TRPC5: variants seen among roughly 807,000 people sequenced by gnomAD.
TRPC5 encodes the protein short transient receptor potential channel 5.
A neutral mutation model predicts 56.5 loss-of-function variants in TRPC5; 9 were observed. That is an observed-to-expected ratio of 0.16 (90% CI 0.10 to 0.28). TRPC5 has a LOEUF of 0.28. Among genes scored for constraint, TRPC5 ranks in the 10% least tolerant of loss-of-function variants. TRPC5 has a pLI of 1.00. For synonymous variants in TRPC5, 282 were observed against 278.5 expected (o/e 1.01, Z -0.13); for missense variants, 469 against 748.9 (o/e 0.63, Z 4.36).
intron 1 of TRPC5, among the ~76,000 whole-genome samples, chrX:112,029,868 C>T (rs1929538446): frequency 9.3e-6 from 1 of 106,971 alleles, no homozygotes; most frequent in Non-Finnish European, 1.9e-5. Flanking sequence ...GCTCTTGTTA[C>T]CCAGACTGGA....
At chrX:111,851,153 A>T (rs1434910357) in intron 5 of TRPC5, among the ~76,000 whole-genome samples, 1 of 112,526 alleles carries the variant, frequency 8.9e-6, no homozygotes, top group Non-Finnish European at 1.9e-5. Flanking sequence ...ACTGCATTCA[A>T]TATGCATGCT....
At chrX:112,038,160 C>T (rs1929796869) in intron 1 of TRPC5, among the ~76,000 whole-genome samples, 1 of 111,500 alleles carries the variant, frequency 9.0e-6, no homozygotes, top group South Asian at 3.9e-4. Flanking sequence ...GAAATTTCAG[C>T]AAGAGATGGA....
At chrX:111,934,284 A>C (rs1238854819) in intron 2 of TRPC5, among the ~76,000 whole-genome samples, 1 of 105,880 alleles carries the variant, frequency 9.4e-6, no homozygotes, top group African/African-American at 3.4e-5. Context: ...TTATGGTTTC[A>C]GGTTTCATAT....
intron 1 of TRPC5, among the ~76,000 whole-genome samples, chrX:111,979,359 CATAA>C (rs1362847454): frequency 1.8e-5 from 2 of 111,177 alleles, no homozygotes; most frequent in African/African-American, 6.5e-5. Context: ...GGCCTAAAAT[CATAA>C]ATGACTAGAA....
At position 111,807,827 on chromosome X, in the gene TRPC5, A is replaced by G. The variant is rs141452787; in HGVS notation, c.1897-25689T>C. Among the ~76,000 whole-genome samples the G allele has an allele frequency of 6.2e-5, 7 of 112,345 alleles. No individual in the cohort carries two copies. The East Asian group carries it at 2.0e-3, about 32-fold the overall frequency. ...AGCCCAGTAATACTGTGGCTCTTGC[A>G]GACTTGTAGAGGTACTGCCTTCATG... On this transcript the variant is annotated intron_variant, in intron 7 of 10. Transcript: ENST00000262839.
chrX:111,783,264 T>C (rs1945935306), intron 7 of TRPC5, among the ~76,000 whole-genome samples: 1 of 112,236 alleles, frequency 8.9e-6, no homozygotes, highest in Non-Finnish European at 1.9e-5. Flanking sequence ...GCTATGACCA[T>C]TCATGTACAG....
Position 112,068,802 on chromosome X carries a change from A to C in TRPC5, c.-22+13077T>G, listed in dbSNP as rs750585012. On this transcript the variant is annotated intron_variant, in intron 1 of 10. Transcript: ENST00000262839. ...GTTGCTTCACTGGGTAAATGCCTTT[A>C]CCTCTCAGGTACTTTTCCCTGTCTT... 2.7e-5 allele frequency among the ~76,000 whole-genome samples: 3 copies of C among 111,986 alleles called. No individual in the cohort carries two copies. In the South Asian group the frequency reaches 1.1e-3, roughly 42 times the overall value.
chrX:111,924,475 A>T (rs1449649273), intron 2 of TRPC5, among the ~76,000 whole-genome samples: 2 of 111,010 alleles, frequency 1.8e-5, no homozygotes, highest in African/African-American at 6.5e-5. Flanking sequence ...CTTTAAAAAA[A>T]AAAAAGAGGT....
chrX:112,021,333 A>G (rs183953508), intron 1 of TRPC5, among the ~76,000 whole-genome samples: 2 of 111,994 alleles, frequency 1.8e-5, no homozygotes, highest in Admixed American at 1.9e-4. Flanking sequence ...TAAACGAAAC[A>G]AAAACAGAAC....
chrX:111,847,856 A>C (rs1205065157), intron 5 of TRPC5, among the ~76,000 whole-genome samples: 1 of 110,908 alleles, frequency 9.0e-6, no homozygotes, highest in South Asian at 4.0e-4. Context: ...GTACTTCCTC[A>C]ATCCCTCACT....
chrX:111,855,582 T>C (rs754478670), intron 3 of TRPC5, among the ~76,000 whole-genome samples: 53 of 112,501 alleles, frequency 4.7e-4, no homozygotes, highest in Admixed American at 9.4e-4. Context: ...AGAAGATTAC[T>C]GGTATGAAAC....
intron 1 of TRPC5, among the ~76,000 whole-genome samples, chrX:112,005,552 T>C (rs1928817942): frequency 9.1e-6 from 1 of 109,717 alleles, no homozygotes; most frequent in African/African-American, 3.3e-5. Flanking sequence ...GGCCCAACAT[T>C]GGTATGTTTC....
intron 7 of TRPC5, among the ~76,000 whole-genome samples, chrX:111,809,649 T>C (rs1213914566): frequency 2.7e-5 from 3 of 111,405 alleles, no homozygotes; most frequent in Non-Finnish European, 5.6e-5. Flanking sequence ...TGATTTTTTG[T>C]TATTTGTTTT....
intron 2 of TRPC5, among the ~76,000 whole-genome samples, chrX:111,924,514 A>C (rs769677179): frequency 1.8e-5 from 2 of 111,281 alleles, no homozygotes; most frequent in East Asian, 5.7e-4. Flanking sequence ...GAAATCTAGA[A>C]GCAAAATTCA....
intron 2 of TRPC5, among the ~76,000 whole-genome samples, chrX:111,922,445 A>T (rs886991325): frequency 3.7e-4 from 41 of 111,983 alleles, no homozygotes; most frequent in Non-Finnish European, 7.5e-5. Flanking sequence ...CCATCCTAAC[A>T]TGCCAGATAA....
intron 3 of TRPC5, among the ~76,000 whole-genome samples, chrX:111,908,533 T>C (rs1925703146): frequency 9.0e-6 from 1 of 111,365 alleles, no homozygotes; most frequent in Non-Finnish European, 1.9e-5. Context: ...TCTTTATCAC[T>C]ATTGACATTG....
At chrX:111,874,642 C>T (rs756811851) in intron 3 of TRPC5, among the ~76,000 whole-genome samples, 9 of 111,854 alleles carry the variant, frequency 8.0e-5, no homozygotes, top group South Asian at 3.8e-4. Context: ...GAAACTGAGA[C>T]ACAGAGAGAC....
intron 1 of TRPC5, among the ~76,000 whole-genome samples, chrX:112,034,594 A>ATT (rs374687346): frequency 1.1e-4 from 11 of 103,508 alleles, no homozygotes; most frequent in African/African-American, 2.1e-4. Flanking sequence ...ACATTGATGG[A>ATT]TTTTTTTTTT....
intron 1 of TRPC5, among the ~76,000 whole-genome samples, chrX:112,072,531 A>G (rs1205262180): frequency 9.0e-6 from 1 of 111,688 alleles, no homozygotes; most frequent in Non-Finnish European, 1.9e-5. Context: ...TGTCCCAAAC[A>G]TAACTCATCA....
Sources: gnomAD v4.1 joint callset for allele counts (sites outside exome capture counted in the v4.1 genomes callset) on GRCh38, gnomAD v4.1.1 for gene constraint, MANE v1.5 for transcripts, NCBI Gene and HGNC (gene_info 2026-07-23, HGNC 2026-07-21) for gene names.